TTC28: variants seen among roughly 807,000 people sequenced by gnomAD.
TTC28 encodes tetratricopeptide repeat protein 28.
Under a neutral mutation model 198.0 loss-of-function variants are expected in TTC28, and 61 were observed. The ratio of observed to expected loss-of-function variants is 0.31; its 90% CI spans 0.25 to 0.38. The LOEUF is 0.38. Ranked by LOEUF, TTC28 falls within the 10% of genes least tolerant of loss-of-function variation. TTC28 has a pLI of 1.00. For synonymous variants in TTC28, 1,171 were observed against 1,297.8 expected, an observed-to-expected ratio of 0.90 and a Z score of 2.10; for missense variants, 2,678 against 3,164.0, an observed-to-expected ratio of 0.85 and a Z score of 3.69.
intron 2 of TTC28, among the ~76,000 whole-genome samples, chr22:28,472,803 C>A (rs2048115072): frequency 6.6e-6 from 1 of 151,970 alleles, no homozygotes; most frequent in South Asian, 2.1e-4. Context: ...CACCAAGTGA[C>A]CAATACCATG....
intron 2 of TTC28, among the ~76,000 whole-genome samples, chr22:28,474,423 T>A (rs1812398046): frequency 1.3e-5 from 2 of 152,210 alleles, no homozygotes; most frequent in African/African-American, 4.8e-5. Flanking sequence ...AAAGTCTGTT[T>A]AAGAAGCAGT....
chr22:27,999,403 T>C, intron 15 of TTC28, 143 bp from the exon 16 acceptor site: 1 of 1,256,552 alleles, frequency 8.0e-7, no homozygotes, highest in Non-Finnish European at 1.1e-6. Context: ...ACATTCACTC[T>C]TATTTTTCAA....
chr22:28,417,631 C>T (rs1331243877), intron 2 of TTC28, among the ~76,000 whole-genome samples: 1 of 152,146 alleles, frequency 6.6e-6, no homozygotes, highest in Non-Finnish European at 1.5e-5. Flanking sequence ...GACATGTTCA[C>T]ATAGTTTTAT....
At chr22:28,350,920 C>T (rs989527137) in intron 2 of TTC28, among the ~76,000 whole-genome samples, 14 of 152,150 alleles carry the variant, frequency 9.2e-5, no homozygotes, top group Non-Finnish European at 1.8e-4. Flanking sequence ...CAGTGGCTGA[C>T]GCCTGTAATC....
intron 2 of TTC28, among the ~76,000 whole-genome samples, chr22:28,387,489 A>T (rs963325069): frequency 1.3e-5 from 2 of 152,204 alleles, no homozygotes; most frequent in African/African-American, 4.8e-5. Flanking sequence ...ACTTCTCCAC[A>T]TCCTCTCCAG....
intron 2 of TTC28, among the ~76,000 whole-genome samples, chr22:28,538,083 A>G (rs372885422): frequency 1.3e-5 from 2 of 152,192 alleles, no homozygotes; most frequent in South Asian, 4.1e-4. Context: ...TTATAGGTAT[A>G]TCTCTTTTAG....
chr22:28,107,297 T>C lies in TTC28; in HGVS notation c.2548A>G (p.Met850Val). Residue 850 changes from methionine (M) to valine (V), a missense_variant, in exon 7 of 23, where the codon ATG becomes GTG. Physicochemically the swap from Met to Val is conservative, Grantham distance 21. Coordinates refer to ENST00000397906, the MANE Select transcript of TTC28 (RefSeq NM_001145418.2). ...TCAAAGTAGCCAATGGCTTCTTCCA[T>C]CACATTCATGTTCATCTTTGTGATG... ...MGITKMNMNV[M>V]EEAIGYFEQQ... The C allele has an allele frequency of 6.4e-7, 1 of 1,551,844 alleles. No individual in the cohort carries two copies. The highest frequency in any genetic ancestry group is 8.7e-7 in the Non-Finnish European group (1 of 1,147,002).
intron 2 of TTC28, among the ~76,000 whole-genome samples, chr22:28,492,002 T>C (rs2048386727): frequency 6.6e-6 from 1 of 150,696 alleles, no homozygotes; most frequent in African/African-American, 2.5e-5. Context: ...CAGCAAACTA[T>C]CGCAAGGACA....
At chr22:28,066,385 G>A (rs1033077416) in intron 12 of TTC28, among the ~76,000 whole-genome samples, 1 of 151,612 alleles carries the variant, frequency 6.6e-6, no homozygotes, top group Admixed American at 6.6e-5. Flanking sequence ...TCAAGCGTAC[G>A]ATACAGTGTT....
At chr22:28,461,641 C>G (rs554409341) in intron 2 of TTC28, among the ~76,000 whole-genome samples, 18 of 152,218 alleles carry the variant, frequency 1.2e-4, no homozygotes, top group Admixed American at 9.8e-4. Context: ...GTTGGCCAGG[C>G]TCGTCTCGAA....
intron 17 of TTC28, chr22:27,994,422 G>A (rs1181663038): frequency 6.6e-6 from 1 of 151,750 alleles, no homozygotes; most frequent in African/African-American, 2.4e-5. Flanking sequence ...CACCGGAGGG[G>A]CATGAGTGGT....
chr22:28,471,955 T>C (rs1384738175), intron 2 of TTC28, among the ~76,000 whole-genome samples: 5 of 152,150 alleles, frequency 3.3e-5, no homozygotes, highest in Non-Finnish European at 7.4e-5. Context: ...TGGAGTGCAG[T>C]GACTGTGCTC....
chr22:28,348,326 G>A (rs544571565), intron 2 of TTC28, among the ~76,000 whole-genome samples: 2 of 152,214 alleles, frequency 1.3e-5, no homozygotes, highest in African/African-American at 4.8e-5. Flanking sequence ...ATGAAGCTAA[G>A]GGACTAAAGA....
At chr22:28,634,330 T>A (rs1039335207) in intron 1 of TTC28, among the ~76,000 whole-genome samples, 2 of 151,826 alleles carry the variant, frequency 1.3e-5, no homozygotes, top group African/African-American at 4.8e-5. Flanking sequence ...GCCAACATGA[T>A]AAAACCCCGT....
At position 28,271,959 on chromosome 22, in the gene TTC28, T is replaced by C. The variant is rs559519332; in HGVS notation, c.933+24239A>G. ...TGCTTGGTTTTCATCCTTTCTTGCCTGTTGTTATGTAAGACATGCCTTTTG... is the reference window on the plus strand; with the variant it reads ...TGCTTGGTTTTCATCCTTTCTTGCCCGTTGTTATGTAAGACATGCCTTTTG... On this transcript the variant is annotated intron_variant, in intron 5 of 22. Coordinates refer to ENST00000397906, the MANE Select transcript of TTC28 (RefSeq NM_001145418.2). Among the ~76,000 whole-genome samples the C allele has an allele frequency of 2.0e-5, 3 of 152,250 alleles. No homozygotes were observed. The South Asian group carries it at 6.2e-4, about 32-fold the overall frequency.
At position 28,357,150 on chromosome 22, in the gene TTC28, G is replaced by A. The variant is rs547332909; in HGVS notation, c.382-50507C>T. Among the ~76,000 whole-genome samples the A allele has an allele frequency of 7.2e-5, 11 of 152,110 alleles. 1 individual carries two copies. In the South Asian group the frequency reaches 2.3e-3, roughly 32 times the overall value. On this transcript the variant is annotated intron_variant, in intron 2 of 22. Transcript: ENST00000397906. ...GAAATGCATTGCTCAAGGCATGAAA[G>A]AGCAGATGCTAAACCCATACCTCCT...
intron 2 of TTC28, among the ~76,000 whole-genome samples, chr22:28,440,760 T>G (rs987202089): frequency 3.9e-5 from 6 of 152,184 alleles, no homozygotes; most frequent in African/African-American, 1.4e-4. Flanking sequence ...ACCATGGCAA[T>G]GATCTGATCA....
intron 2 of TTC28, among the ~76,000 whole-genome samples, chr22:28,361,894 C>T (rs1349663031): frequency 6.6e-6 from 1 of 152,184 alleles, no homozygotes; most frequent in Non-Finnish European, 1.5e-5. Context: ...AACAACAATG[C>T]CTGAATGATG....
At chr22:28,540,012 T>C (rs1431597311) in intron 2 of TTC28, among the ~76,000 whole-genome samples, 1 of 142,932 alleles carries the variant, frequency 7.0e-6, no homozygotes, top group Non-Finnish European at 1.5e-5. Context: ...TGGCACGATC[T>C]CGGCTCACTG....
Sources: allele counts gnomAD v4.1 joint callset (sites outside exome capture counted in the v4.1 genomes callset), GRCh38; gene constraint gnomAD v4.1.1; transcripts MANE v1.5; gene names NCBI Gene and HGNC (gene_info 2026-07-23, HGNC 2026-07-21).